PCDHA5: variants seen among roughly 807,000 people sequenced by gnomAD.
PCDHA5 encodes the protein protocadherin alpha-5.
PCDHA5 carries 43 observed loss-of-function variants against 61.6 expected under a neutral mutation model. That is an observed-to-expected ratio of 0.70 (90% CI 0.55 to 0.90). PCDHA5 has a LOEUF of 0.90. Ranked by LOEUF, PCDHA5 falls within the 40% of genes least tolerant of loss-of-function variation. PCDHA5 has a pLI of 0.00. For missense variants in PCDHA5, 1,298 were observed against 1,222.7 expected (o/e 1.06, Z -0.92); for synonymous variants, 627 against 543.9 (o/e 1.15, Z -2.13).
intron 2 of PCDHA5, among the ~76,000 whole-genome samples, chr5:140,980,712 T>G (rs4404731): frequency 0.013 from 1,940 of 152,272 alleles, 50 homozygotes; most frequent in African/African-American, 0.045. Context: ...GTGCTCCTAT[T>G]CGGGTTTCAA....
intron 1 of PCDHA5, among the ~76,000 whole-genome samples, chr5:140,973,377 G>T (rs1176312664): frequency 1.3e-5 from 2 of 152,208 alleles, no homozygotes; most frequent in Non-Finnish European, 2.9e-5. Context: ...ACAATGGTCA[G>T]AATAGACAAA....
intron 1 of PCDHA5, chr5:140,929,324 T>C (rs781810168): frequency 1.2e-5 from 19 of 1,540,130 alleles, no homozygotes; most frequent in Non-Finnish European, 3.5e-6. Context: ...GTCAATGCCA[T>C]GGTAAGCAAA....
In PCDHA5 at chr5:140,842,604, G is replaced by A. The variant is rs1254196927; in HGVS notation, c.2352+18477G>A. 5 of 1,550,084 alleles carry A rather than the reference G, an allele frequency of 3.2e-6. No homozygotes were observed. The highest frequency in any genetic ancestry group is 1.1e-5 in the South Asian group (1 of 89,394). The stretch of plus-strand genomic sequence containing the variant: ...GCCTATGAGTTGGTGGTAACCGCGC[G>A]GGACGGGGGCTCGCCTTCGCTGTGG... On this transcript the variant is annotated intron_variant, in intron 1 of 3. Coordinates refer to ENST00000529859, the MANE Select transcript of PCDHA5 (RefSeq NM_018908.3).
chr5:140,941,202 C>CCTTCCTTT (rs1554213920), intron 1 of PCDHA5, among the ~76,000 whole-genome samples: 107 of 122,824 alleles, frequency 8.7e-4, no homozygotes, highest in Admixed American at 4.2e-3. Flanking sequence ...TTTCTTTCTT[C>CCTTCCTTT]CTTTCTTTCT....
At chr5:140,954,427 C>T (rs545024696) in intron 1 of PCDHA5, among the ~76,000 whole-genome samples, 1 of 152,200 alleles carries the variant, frequency 6.6e-6, no homozygotes, top group Admixed American at 6.5e-5. Context: ...CCTTTTTCTC[C>T]ATCTGTTGTT....
intron 1 of PCDHA5, chr5:140,967,413 A>C: frequency 6.2e-7 from 1 of 1,613,218 alleles, no homozygotes; most frequent in Non-Finnish European, 8.5e-7. Context: ...AAGGGCCTAG[A>C]CCGGGAGCAG....
intron 1 of PCDHA5, among the ~76,000 whole-genome samples, chr5:140,977,768 A>G (rs1264929933): frequency 1.3e-5 from 2 of 152,218 alleles, no homozygotes; most frequent in Non-Finnish European, 1.5e-5. Context: ...AATACTTTGC[A>G]TCCCTTAAAG....
chr5:140,876,069 A>G (rs1554168246), intron 1 of PCDHA5: 1 of 1,613,948 alleles, frequency 6.2e-7, no homozygotes, highest in South Asian at 1.1e-5. Flanking sequence ...TTCGGAAGTT[A>G]TTGGACAGAG....
chr5:140,877,120 A>G (rs782093528), intron 1 of PCDHA5: 4 of 1,613,684 alleles, frequency 2.5e-6, no homozygotes, highest in East Asian at 4.5e-5. Context: ...CAGCAACGTG[A>G]CGCTGCAGGT....
chr5:140,828,869 A>T, intron 1 of PCDHA5: 1 of 1,614,256 alleles, frequency 6.2e-7, no homozygotes, highest in Non-Finnish European at 8.5e-7. Flanking sequence ...CAACGGAACA[A>T]CAGTTATCAG....
chr5:140,822,575 A>G lies in PCDHA5; in HGVS notation c.800A>G (p.Asp267Gly), dbSNP rs2150117387. ...GTLVIKLNAS[D>G]ADEGINKEIV... is the part of the protein sequence containing the mutation. ...TTAGTTATTAAACTGAACGCCTCAG[A>G]TGCAGATGAGGGCATCAATAAGGAA... The change falls in exon 1 of 4, where the codon GAT (aspartate) becomes GGT (glycine). Residue 267 changes from aspartate to glycine, a missense_variant. By Grantham distance (94) the Asp-to-Gly change is moderately conservative. Coordinates refer to ENST00000529859, the MANE Select transcript of PCDHA5 (RefSeq NM_018908.3). 13 of 1,610,462 alleles carry G rather than the reference A, an allele frequency of 8.1e-6. No individual in the cohort carries two copies. The highest frequency in any genetic ancestry group is 1.1e-5 in the Non-Finnish European group (13 of 1,176,910).
chr5:141,006,384 T>C, intron 3 of PCDHA5, among the ~76,000 whole-genome samples: 2 of 152,126 alleles, frequency 1.3e-5, no homozygotes, highest in South Asian at 4.2e-4. Flanking sequence ...GCTAAGTTTT[T>C]TCTATTTTTT....
At chr5:140,888,487 A>G (rs2061843954) in intron 1 of PCDHA5, among the ~76,000 whole-genome samples, 1 of 152,162 alleles carries the variant, frequency 6.6e-6, no homozygotes, top group Admixed American at 6.5e-5. Context: ...CTGTTGAGAA[A>G]CTCTGCTTTA....
At chr5:140,863,013 C>A (rs1274171221) in intron 1 of PCDHA5, 1 of 552,838 alleles carries the variant, frequency 1.8e-6, no homozygotes, top group Admixed American at 1.9e-5. Flanking sequence ...AGCTATGACG[C>A]CTGGTTGTCG....
chr5:140,882,052 C>A (rs2058925535), intron 1 of PCDHA5: 5 of 766,334 alleles, frequency 6.5e-6, no homozygotes, highest in Admixed American at 3.1e-5. Context: ...GTCATACTTA[C>A]ACTTACACGT....
At chr5:140,899,382 TGA>T (rs2067295037) in intron 1 of PCDHA5, among the ~76,000 whole-genome samples, 1 of 152,198 alleles carries the variant, frequency 6.6e-6, no homozygotes, top group Non-Finnish European at 1.5e-5. Context: ...CCTAATTTAT[TGA>T]GAGTTTTTAG....
chr5:140,870,382 C>T, intron 1 of PCDHA5: 1 of 1,614,178 alleles, frequency 6.2e-7, no homozygotes, highest in Non-Finnish European at 8.5e-7. Context: ...GGTGACTGCG[C>T]GGGATGGGGG....
intron 1 of PCDHA5, among the ~76,000 whole-genome samples, chr5:140,962,088 T>C (rs893852980): frequency 6.6e-6 from 1 of 152,092 alleles, no homozygotes; most frequent in Non-Finnish European, 1.5e-5. Flanking sequence ...GGTTTCACCA[T>C]GTTAGCCAGG....
chr5:140,927,294 C>T (rs781944508), intron 1 of PCDHA5: 10 of 1,614,062 alleles, frequency 6.2e-6, no homozygotes, highest in South Asian at 3.3e-5. Context: ...TGCACATCCC[C>T]GAGTTCCTGA....
Sources: gnomAD v4.1 joint callset for allele counts (sites outside exome capture counted in the v4.1 genomes callset) on GRCh38, gnomAD v4.1.1 for gene constraint, MANE v1.5 for transcripts, NCBI Gene and HGNC (gene_info 2026-07-23, HGNC 2026-07-21) for gene names.